The following NFIB variants were observed in gnomAD, a reference collection of about 807,000 sequenced individuals.
NFIB encodes the protein nuclear factor I B.
In NFIB, 11 loss-of-function variants were observed where a neutral mutation model predicts 61.5. The ratio of observed to expected loss-of-function variants is 0.18; its 90% CI spans 0.11 to 0.30. The LOEUF (loss-of-function observed/expected upper bound fraction) is 0.30. NFIB is among the 10% of genes least tolerant of loss of function. The pLI is 1.00. For missense variants in NFIB, 471 were observed against 608.9 expected, an observed-to-expected ratio of 0.77 and a Z score of 2.38; for synonymous variants, 260 against 216.5, an observed-to-expected ratio of 1.20 and a Z score of -1.76.
chr9:14,496,409 A>T, the NFIB span, among the ~76,000 whole-genome samples: 1 of 152,170 alleles, frequency 6.6e-6, no homozygotes, highest in Non-Finnish European at 1.5e-5. Flanking sequence ...CACTTGTGGC[A>T]CCATGTTGGT....
intron 2 of NFIB, among the ~76,000 whole-genome samples, chr9:14,209,094 T>C (rs1267667192): frequency 6.6e-6 from 1 of 152,218 alleles, no homozygotes; most frequent in African/African-American, 2.4e-5. Context: ...GTCTTATGAA[T>C]CATCAATACA....
At chr9:14,287,493 G>A (rs999014862) in intron 2 of NFIB, among the ~76,000 whole-genome samples, 19 of 151,752 alleles carry the variant, frequency 1.3e-4, no homozygotes, top group African/African-American at 3.6e-4. Flanking sequence ...GCGCGATCTC[G>A]GCTCACTGCA....
chr9:14,314,707 TTCCTCCTCC>T (rs954079747), upstream of NFIB: 1 of 24,360 alleles, frequency 4.1e-5, no homozygotes, highest in Non-Finnish European at 8.4e-5. Flanking sequence ...CCCCCCCACC[TTCCTCCTCC>T]TCCTCCTTCT....
rs143223046 is a variant in NFIB, at chr9:14,115,431, G to A, written c.1384+777C>T. Among the ~76,000 whole-genome samples the A allele has an allele frequency of 4.0e-3, 608 of 152,220 alleles. 3 individuals carry two copies. The highest frequency in any genetic ancestry group is 0.014 in the African/African-American group (580 of 41,544). On this transcript the variant is annotated intron_variant, in intron 9 of 10. Transcript: ENST00000380953. ...AGTACTAAGAAGCTGACAGTTGGGT[G>A]AAACCACCTCAAAATTAATTTCTTC...
At chr9:14,260,769 C>G (rs981427545) in intron 2 of NFIB, among the ~76,000 whole-genome samples, 1 of 152,134 alleles carries the variant, frequency 6.6e-6, no homozygotes, top group Non-Finnish European at 1.5e-5. Context: ...GTCTTCTATA[C>G]TGGGTTCAGG....
At chr9:14,501,680 G>A in the NFIB span, among the ~76,000 whole-genome samples, 1 of 152,176 alleles carries the variant, frequency 6.6e-6, no homozygotes, top group East Asian at 1.9e-4. Flanking sequence ...GGACCATCTA[G>A]GCAGGATTTG....
At chr9:14,434,294 C>G in the NFIB span, among the ~76,000 whole-genome samples, 1 of 152,094 alleles carries the variant, frequency 6.6e-6, no homozygotes, top group Non-Finnish European at 1.5e-5. Context: ...CTAAGAGATA[C>G]CAGTCTGTTG....
rs2033047253 is a variant in NFIB, at chr9:14,087,562, T to C, written c.*747A>G. 1 of 227,946 alleles carries C rather than the reference T, an allele frequency of 4.4e-6. No individual in the cohort carries two copies. Among genetic ancestry groups the C allele is most frequent in the Non-Finnish European group, 8.7e-6 (1 of 114,564 alleles). The allele number at this position is 227,946 out of a possible 1,614,324, so 14.1% of individuals were successfully genotyped here. On this transcript the variant is annotated 3_prime_UTR_variant, in exon 11 of 11. Transcript: ENST00000380953. ...AGCCTTTGTGTTCAAACTGTTTTTT[T>C]CCTTTTTTCTTTTTTTCCTTTTTTT...
chr9:14,214,788 G>A (rs1051754581), intron 2 of NFIB, among the ~76,000 whole-genome samples: 50 of 152,138 alleles, frequency 3.3e-4, no homozygotes, highest in African/African-American at 1.1e-3. Context: ...TTATTTTACT[G>A]AATATGAATA....
At chr9:14,145,882 G>T (rs954807486) in intron 6 of NFIB, among the ~76,000 whole-genome samples, 8 of 151,472 alleles carry the variant, frequency 5.3e-5, no homozygotes, top group Non-Finnish European at 1.0e-4. Context: ...TTTTTTTAAT[G>T]CAGAATTCTA....
At chr9:14,364,436 C>G (rs1438463193) in intron 1 of NFIB, among the ~76,000 whole-genome samples, 1 of 152,184 alleles carries the variant, frequency 6.6e-6, no homozygotes, top group Non-Finnish European at 1.5e-5. Context: ...ATGCTTAATA[C>G]TAGCGTCTGG....
At chr9:14,090,955 T>G (rs2118547176) in intron 10 of NFIB, among the ~76,000 whole-genome samples, 1 of 152,180 alleles carries the variant, frequency 6.6e-6, no homozygotes, top group South Asian at 2.1e-4. Flanking sequence ...TTGGAAAATG[T>G]TCAATAAAAA....
upstream of NFIB, chr9:14,314,148 G>C (rs2060428025): frequency 4.9e-6 from 5 of 1,019,920 alleles, no homozygotes; most frequent in Admixed American, 1.2e-4. Flanking sequence ...GTGCGCGCGG[G>C]TGGCGGGGCG....
intron 3 of NFIB, among the ~76,000 whole-genome samples, chr9:14,172,544 C>A (rs2045682527): frequency 6.6e-6 from 1 of 152,202 alleles, no homozygotes; most frequent in East Asian, 1.9e-4. Flanking sequence ...TTTCTCATGT[C>A]AATACTGAGA....
At chr9:14,342,027 A>G (rs1371178742) in intron 1 of NFIB, among the ~76,000 whole-genome samples, 1 of 151,998 alleles carries the variant, frequency 6.6e-6, no homozygotes, top group African/African-American at 2.4e-5. Context: ...GGTCAGGACA[A>G]TAGTTCATTG....
At chr9:14,454,056 A>G in the NFIB span, among the ~76,000 whole-genome samples, 1 of 151,958 alleles carries the variant, frequency 6.6e-6, no homozygotes. Context: ...TGACAGAGCA[A>G]GACTCCGTTT....
chr9:14,115,187 G>A (rs200926091), intron 9 of NFIB, among the ~76,000 whole-genome samples: 2 of 151,584 alleles, frequency 1.3e-5, no homozygotes, highest in Non-Finnish European at 2.9e-5. Context: ...AAAAAAAAAA[G>A]AGCATCTTTC....
intron 2 of NFIB, among the ~76,000 whole-genome samples, chr9:14,211,401 G>C (rs947106335): frequency 6.6e-6 from 1 of 151,800 alleles, no homozygotes; most frequent in East Asian, 1.9e-4. Flanking sequence ...CAGGATATAG[G>C]GAATACATAA....
chr9:14,493,365 T>C, the NFIB span, among the ~76,000 whole-genome samples: 1 of 145,716 alleles, frequency 6.9e-6, no homozygotes. Context: ...GGCAGAAGCA[T>C]TTTTTTTTTG....
Sources: allele counts gnomAD v4.1 joint callset (sites outside exome capture counted in the v4.1 genomes callset), GRCh38; gene constraint gnomAD v4.1.1; transcripts MANE v1.5; gene names NCBI Gene and HGNC (gene_info 2026-07-23, HGNC 2026-07-21).